The following ARSG variants were observed in gnomAD, a reference collection of about 807,000 sequenced individuals.
ARSG encodes the protein ASG.
ARSG carries 37 observed loss-of-function variants against 50.5 expected under a neutral mutation model. That is an observed-to-expected ratio of 0.73 (90% CI 0.56 to 0.96). The LOEUF is 0.96. Ranked by LOEUF, ARSG falls within the 50% of genes least tolerant of loss-of-function variation. The probability of loss-of-function intolerance (pLI) is 0.00; values close to 1 mark genes in which losing one functional copy is unlikely to be tolerated. For synonymous variants in ARSG, 225 were observed against 254.6 expected (o/e 0.88, Z 1.11); for missense variants, 629 against 675.3 (o/e 0.93, Z 0.76).
chr17:68,451,794 G>A, the ARSG span, among the ~76,000 whole-genome samples: 19 of 152,086 alleles, frequency 1.2e-4, no homozygotes, highest in African/African-American at 2.2e-4. Context: ...GTATTATGAC[G>A]AGGAAAGTAC....
At chr17:68,390,709 C>T (rs1018495375) in intron 9 of ARSG, among the ~76,000 whole-genome samples, 6 of 152,130 alleles carry the variant, frequency 3.9e-5, no homozygotes, top group African/African-American at 1.2e-4. Flanking sequence ...CTGCAACCTC[C>T]ACCTCCTGGG....
rs200147052 is a variant in ARSG, at chr17:68,404,562, A to AT, written c.1303+3113dup. Among the ~76,000 whole-genome samples, 10 of 152,124 alleles carry AT rather than the reference A, an allele frequency of 6.6e-5. No individual in the cohort carries two copies. In the East Asian group the frequency reaches 1.9e-3, roughly 29 times the overall value. On this transcript the variant is annotated intron_variant, in intron 11 of 11. Coordinates refer to ENST00000621439, the MANE Select transcript of ARSG (RefSeq NM_001267727.2). ...TTAGTAATGATGTATCATACTTTTT[A>AT]TATCTTGCTGATTTTGATTTGCTAA...
At chr17:68,280,061 A>G (rs1188434756) in intron 1 of ARSG, among the ~76,000 whole-genome samples, 1 of 151,940 alleles carries the variant, frequency 6.6e-6, no homozygotes, top group African/African-American at 2.4e-5. Flanking sequence ...AGGCACCTGT[A>G]ATCCCAGCTA....
At chr17:68,274,008 GC>G (rs782184620) in intron 1 of ARSG, 40 of 1,613,842 alleles carry the variant, frequency 2.5e-5, no homozygotes, top group Non-Finnish European at 1.7e-6. Flanking sequence ...CTGACAAGTA[GC>G]CCCCCCAACA....
chr17:68,310,436 C>A (rs1423715804), intron 2 of ARSG, among the ~76,000 whole-genome samples: 1 of 152,180 alleles, frequency 6.6e-6, no homozygotes, highest in African/African-American at 2.4e-5. Context: ...TAAGGGACCA[C>A]AAAAGAGGAG....
rs115029720 is a variant in ARSG at position 68,401,194 on chromosome 17, T to G, written c.1213-166T>G. ...TGCACCACCATGCCTGGTTAACTTT[T>G]GTATTTTTTTGTAGGGAGGGGTCTT... On this transcript the variant is annotated intron_variant, in intron 10 of 11. Coordinates refer to ENST00000621439, the MANE Select transcript of ARSG (RefSeq NM_001267727.2). 3.0e-3 allele frequency: 1,840 copies of G among 614,354 alleles called. 28 individuals are homozygous for G. The African/African-American group carries it at 0.03, about 10-fold the overall frequency. The allele number at this position is 614,354 out of a possible 1,614,324, so 38.1% of individuals were successfully genotyped here.
intron 6 of ARSG, among the ~76,000 whole-genome samples, chr17:68,363,654 A>G (rs1442797405): frequency 4.0e-5 from 6 of 151,872 alleles, no homozygotes; most frequent in African/African-American, 2.4e-5. Context: ...TTTAGTAGAG[A>G]TGGGGTTTCT....
intron 1 of ARSG, among the ~76,000 whole-genome samples, chr17:68,263,334 A>C (rs548568107): frequency 3.1e-4 from 47 of 152,364 alleles, no homozygotes; most frequent in Admixed American, 9.8e-4. Context: ...CTTAGGACAC[A>C]TGCAATATAA....
chr17:68,325,945 C>T (rs1213034526), intron 2 of ARSG, among the ~76,000 whole-genome samples: 1 of 152,172 alleles, frequency 6.6e-6, no homozygotes, highest in African/African-American at 2.4e-5. Context: ...TCCCACACTG[C>T]ATTAGTATCC....
chr17:68,360,460 C>G (rs1033600346), intron 6 of ARSG, among the ~76,000 whole-genome samples: 2 of 152,202 alleles, frequency 1.3e-5, no homozygotes, highest in Non-Finnish European at 2.9e-5. Flanking sequence ...GGGGGCCCAC[C>G]CTGGGACTTA....
In ARSG at chr17:68,271,551, G is replaced by C. The variant is rs1555748777; in HGVS notation, c.-552+12125G>C. The C allele has an allele frequency of 4.3e-6, 7 of 1,614,108 alleles. No individual in the cohort carries two copies. The Admixed American group carries it at 1.0e-4, about 23-fold the overall frequency. On this transcript the variant is annotated intron_variant, in intron 1 of 11. Coordinates refer to the ARSG transcript ENST00000448504. This position sits in a 1 kb window ranked among gnomAD's most constrained non-coding sequence, Gnocchi z 5.3. The stretch of plus-strand genomic sequence containing the variant: ...TCGGTGACGCTGGTCCTCTGATAAA[G>C]ATGGGTCTGAGCAGTGCTCCGAAGA...
intron 1 of ARSG, chr17:68,268,905 A>G: frequency 1.5e-6 from 2 of 1,365,114 alleles, no homozygotes; most frequent in South Asian, 1.5e-5. Context: ...AACAAGCAAA[A>G]AAAAAAAGCT....
chr17:68,439,461 A>AG, the ARSG span, among the ~76,000 whole-genome samples: 1 of 152,126 alleles, frequency 6.6e-6, no homozygotes, highest in African/African-American at 2.4e-5. Flanking sequence ...AAAGTAGATT[A>AG]GGGGTTGCCT....
Position 68,307,717 on chromosome 17 carries a change from T to G in ARSG, c.218+6T>G, listed in dbSNP as rs2076662868. The G allele has an allele frequency of 6.9e-7, 1 of 1,449,862 alleles. No individual in the cohort carries two copies. The highest frequency in any genetic ancestry group is 1.4e-5 in the African/African-American group (1 of 71,514). 89.8% of individuals were successfully genotyped at this position (1,449,862 alleles called of 1,614,324 possible). ...ATGGCTTCGGAGGGAATGAGGTGAGTCTTGAGATGCCAGGCCAGCCTTTCT... is the reference window on the plus strand; with the variant it reads ...ATGGCTTCGGAGGGAATGAGGTGAGGCTTGAGATGCCAGGCCAGCCTTTCT... On this transcript the variant is annotated splice_donor_region_variant and intron_variant, in intron 2 of 11. Coordinates refer to ENST00000621439, the MANE Select transcript of ARSG (RefSeq NM_001267727.2).
chr17:68,380,174 TTC>T (rs1459975131), intron 8 of ARSG, among the ~76,000 whole-genome samples: 1 of 152,140 alleles, frequency 6.6e-6, no homozygotes, highest in Non-Finnish European at 1.5e-5. Context: ...TCTTCCAATT[TTC>T]TTTTTCCTTC....
the ARSG span, chr17:68,429,003 C>T: frequency 1.7e-6 from 2 of 1,202,678 alleles, no homozygotes; most frequent in Non-Finnish European, 2.4e-6. Flanking sequence ...CTTCCAATGA[C>T]AAAGCCCCCC....
intron 6 of ARSG, among the ~76,000 whole-genome samples, chr17:68,362,135 T>G (rs1441128352): frequency 6.6e-6 from 1 of 152,080 alleles, no homozygotes; most frequent in African/African-American, 2.4e-5. Flanking sequence ...AGCTCATGCC[T>G]GGGATCTGCA....
chr17:68,421,300 T>C (rs995186762), downstream of ARSG: 1 of 158,468 alleles, frequency 6.3e-6, no homozygotes, highest in Non-Finnish European at 1.4e-5. Context: ...ATGATTTTAT[T>C]ATTAGTGTCC....
intron 1 of ARSG, among the ~76,000 whole-genome samples, chr17:68,260,310 A>AT (rs781994546): frequency 6.6e-6 from 1 of 152,180 alleles, no homozygotes; most frequent in Non-Finnish European, 1.5e-5. Flanking sequence ...GCATGACCTC[A>AT]TTGAAGTAAA....
Sources: allele counts gnomAD v4.1 joint callset (sites outside exome capture counted in the v4.1 genomes callset), GRCh38; gene constraint gnomAD v4.1.1; non-coding constraint Gnocchi (gnomAD v3.1); transcripts MANE v1.5; gene names NCBI Gene and HGNC (gene_info 2026-07-23, HGNC 2026-07-21).